ACSS1: variants seen among roughly 807,000 people sequenced by gnomAD.
ACSS1 encodes acetyl-coenzyme A synthetase 2-like, mitochondrial.
ACSS1 carries 42 observed loss-of-function variants against 75.3 expected under a neutral mutation model. The ratio of observed to expected loss-of-function variants is 0.56; its 90% confidence interval spans 0.44 to 0.72. ACSS1 has a LOEUF of 0.72. Ranked by LOEUF, ACSS1 falls within the 30% of genes least tolerant of loss-of-function variation. The probability of loss-of-function intolerance (pLI) is 0.00; values close to 1 mark genes in which losing one functional copy is unlikely to be tolerated. For missense variants in ACSS1, 782 were observed against 935.7 expected, an observed-to-expected ratio of 0.84 and a Z score of 2.14; for synonymous variants, 380 against 376.8, an observed-to-expected ratio of 1.01 and a Z score of -0.10.
At chr20:25,017,800 G>A (rs112342705) in intron 7 of ACSS1, among the ~76,000 whole-genome samples, 2,324 of 152,300 alleles carry the variant, frequency 0.015, 31 homozygotes, top group Non-Finnish European at 0.023. Flanking sequence ...ATTGGACCCC[G>A]TGAACCTTCC....
Position 25,023,603 on chromosome 20 carries a change from G to C in ACSS1, c.670C>G (p.Arg224Gly). 6.2e-7 allele frequency: 1 copy of C among 1,612,326 alleles called. No homozygotes were observed. The highest frequency in any genetic ancestry group is 8.5e-7 in the Non-Finnish European group (1 of 1,179,136). ...KVVITFNQGL[R>G]GGRVVELKKI... Reference sequence around the variant, plus strand: ...TTCAGCTCCACCACGCGCCCACCCCGGAGTCCTTGGTTGAAGGTGATAACC... The same window carrying C: ...TTCAGCTCCACCACGCGCCCACCCCCGAGTCCTTGGTTGAAGGTGATAACC... Residue 224 changes from arginine (R) to glycine (G), a missense_variant, in exon 4 of 14, where the codon CGG (arginine) becomes GGG (glycine). Transcript: ENST00000323482.
Position 25,058,114 on chromosome 20 carries a change from A to C in ACSS1, c.-12T>G. 8.1e-7 allele frequency: 1 copy of C among 1,238,598 alleles called. No individual in the cohort carries two copies. The highest frequency in any genetic ancestry group is 1.0e-6 in the Non-Finnish European group (1 of 992,558). 76.7% of individuals were successfully genotyped at this position (1,238,598 alleles called of 1,614,324 possible). A position where few individuals can be genotyped will look rare whatever the true frequency, so the allele number is the denominator to read the frequency against. ...GTGCGCGCCGCCATCTAGGCAGGCT[A>C]CCTGAGCTCTCTGTGCTCCCAGAGT... On this transcript the variant is annotated 5_prime_UTR_variant, in exon 1 of 14. Transcript: ENST00000323482.
intron 7 of ACSS1, among the ~76,000 whole-genome samples, chr20:25,015,977 C>A (rs550095054): frequency 6.1e-4 from 93 of 152,322 alleles, no homozygotes; most frequent in African/African-American, 2.2e-3. Context: ...ACTGCAGATG[C>A]CACCAGAAGT....
At chr20:25,032,345 A>G in intron 2 of ACSS1, 2 of 1,325,314 alleles carry the variant, frequency 1.5e-6, no homozygotes, top group African/African-American at 1.5e-5. Flanking sequence ...GAAAACTGGG[A>G]GCAGGCGAGA....
chr20:25,023,543 T>C lies in ACSS1; in HGVS notation c.730A>G (p.Thr244Ala), dbSNP rs931864730. 1.9e-6 allele frequency: 3 copies of C among 1,613,970 alleles called. No individual in the cohort carries two copies. Among genetic ancestry groups the C allele is most frequent in the Admixed American group, 3.3e-5 (2 of 60,000 alleles). The change falls in exon 4 of 14, where the codon ACC (threonine) becomes GCC (alanine). Residue 244 changes from threonine (T) to alanine (A), a missense_variant. Around this residue, in one of 2 missense-constraint regions of ACSS1, gnomAD observed 377 missense variants for 383.1 expected, o/e 0.98. Transcript: ENST00000323482. ...IVDEAVKHCP[T>A]VQHVLVAHRT... ...TGAGCCACCAGGACATGCTGCACGG[T>C]GGGGCAGTGCTTCACAGCCTCATCC...
chr20:25,032,632 C>T (rs1600331498), intron 2 of ACSS1: 2 of 1,229,652 alleles, frequency 1.6e-6, no homozygotes, highest in Non-Finnish European at 2.0e-6. Flanking sequence ...AGCAGACCCT[C>T]CTCGGGCTCT....
chr20:25,020,342 G>T (rs538072596), intron 6 of ACSS1, among the ~76,000 whole-genome samples, 195 bp from the exon 7 acceptor site: 7 of 144,924 alleles, frequency 4.8e-5, no homozygotes, highest in Non-Finnish European at 6.0e-5. Flanking sequence ...CCCAATGGCC[G>T]CTCTCCTCCA....
chr20:25,035,824 A>G (rs1040459473), intron 2 of ACSS1, among the ~76,000 whole-genome samples: 1 of 152,252 alleles, frequency 6.6e-6, no homozygotes, highest in African/African-American at 2.4e-5. Context: ...TGAAAAATAA[A>G]TGTTGTTCAA....
chr20:25,037,962 G>A (rs1029760494), intron 2 of ACSS1, among the ~76,000 whole-genome samples: 4 of 152,236 alleles, frequency 2.6e-5, no homozygotes, highest in Non-Finnish European at 5.9e-5. Flanking sequence ...AACCAAGTAT[G>A]AAATTTCTCA....
At position 25,032,430 on chromosome 20, in the gene ACSS1, G is replaced by A. The variant is rs534470718; in HGVS notation, c.432-1472C>T. The stretch of plus-strand genomic sequence containing the variant: ...TCCCAAGGTTGTCTTTCCTTTCGGC[G>A]CCTCATCCCTCTGAATCTGGACCTG... On this transcript the variant is annotated intron_variant, in intron 2 of 13. Coordinates refer to ENST00000323482, the MANE Select transcript of ACSS1 (RefSeq NM_032501.4). The A allele has an allele frequency of 2.7e-5, 37 of 1,389,510 alleles. No homozygotes were observed. The African/African-American group carries it at 2.9e-4, about 11-fold the overall frequency. 86.1% of individuals were successfully genotyped at this position (1,389,510 alleles called of 1,614,324 possible).
At chr20:25,057,514 G>A (rs2089259415) in intron 1 of ACSS1, among the ~76,000 whole-genome samples, 1 of 152,208 alleles carries the variant, frequency 6.6e-6, no homozygotes, top group South Asian at 2.1e-4. Context: ...CAGCAGCGGG[G>A]CGTCCCAAGC....
rs1319006824 is a variant in ACSS1, at chr20:25,040,656, C to T, written c.431+7429G>A. 3.3e-5 allele frequency among the ~76,000 whole-genome samples: 5 copies of T among 152,214 alleles called. No individual in the cohort carries two copies. In the East Asian group the frequency reaches 7.7e-4, roughly 23 times the overall value. The stretch of plus-strand genomic sequence containing the variant: ...TGCAAATATTTCCACCGCTGATTCT[C>T]GGCTCCTGATAGGACTGACTGCACA... On this transcript the variant is annotated intron_variant, in intron 2 of 13. Coordinates refer to ENST00000323482, the MANE Select transcript of ACSS1 (RefSeq NM_032501.4).
At chr20:25,052,397 T>C (rs2089187225) in intron 1 of ACSS1, among the ~76,000 whole-genome samples, 1 of 152,236 alleles carries the variant, frequency 6.6e-6, no homozygotes, top group South Asian at 2.1e-4. Context: ...ACATGATGGA[T>C]GACCTGTCCT....
intron 1 of ACSS1, among the ~76,000 whole-genome samples, chr20:25,053,856 G>A (rs2089209075): frequency 6.6e-6 from 1 of 152,190 alleles, no homozygotes. Context: ...ACTTAAAATT[G>A]GGGGTTTTAA....
chr20:25,037,719 A>T (rs2088936564), intron 2 of ACSS1, among the ~76,000 whole-genome samples: 1 of 152,228 alleles, frequency 6.6e-6, no homozygotes, highest in African/African-American at 2.4e-5. Context: ...AGGGAAGGGA[A>T]GCCTGGCGAG....
chr20:25,023,793 G>A (rs1417318566), intron 3 of ACSS1, 152 bp from the exon 4 acceptor site: 1 of 734,214 alleles, frequency 1.4e-6, no homozygotes, highest in African/African-American at 1.8e-5. Flanking sequence ...GGGGCTGCCT[G>A]CTCTCCAGCC....
At chr20:25,029,821 C>A (rs1435495953) in intron 3 of ACSS1, among the ~76,000 whole-genome samples, 1 of 151,996 alleles carries the variant, frequency 6.6e-6, no homozygotes, top group African/African-American at 2.4e-5. Flanking sequence ...ATGGTTACAA[C>A]AGTAATTTTA....
At chr20:25,031,053 A>G in intron 2 of ACSS1, 95 bp from the exon 3 acceptor site, 1 of 1,248,172 alleles carries the variant, frequency 8.0e-7, no homozygotes, top group Non-Finnish European at 1.1e-6. Flanking sequence ...TTTATGTCAT[A>G]TACATCCAGC....
Position 25,057,852 on chromosome 20 carries a change from T to A in ACSS1, c.251A>T (p.Asp84Val), listed in dbSNP as rs755301239. The A allele has an allele frequency of 3.1e-6, 5 of 1,612,508 alleles. No individual in the cohort carries two copies. Among genetic ancestry groups the A allele is most frequent in the South Asian group, 2.2e-5 (2 of 90,956 alleles). ...GPLARDTLVW[D>V]TPYHTVWDCD... ...GTCCCAGACGGTGTGGTAGGGGGTG[T>A]CCCACACGAGAGTGTCCCGCGCCAG... The change falls in exon 1 of 14, where the codon GAC becomes GTC. Residue 84 changes from aspartate (D) to valine (V), a missense_variant. By Grantham distance (152) the Asp-to-Val change is radical. Coordinates refer to ENST00000323482, the MANE Select transcript of ACSS1 (RefSeq NM_032501.4).
Sources: allele counts gnomAD v4.1 joint callset (sites outside exome capture counted in the v4.1 genomes callset), GRCh38; gene constraint gnomAD v4.1.1; regional missense constraint gnomAD v4.1.1; transcripts MANE v1.5; gene names NCBI Gene and HGNC (gene_info 2026-07-23, HGNC 2026-07-21).